The following BMPR1B variants were observed in gnomAD, a reference collection of about 807,000 sequenced individuals.
The protein encoded by BMPR1B is bone morphogenetic protein receptor type 1B, also known as bone morphogenetic protein receptor type-1B.
In BMPR1B, 12 loss-of-function variants were observed where a neutral mutation model predicts 59.1. That is an observed-to-expected ratio of 0.20 (90% CI 0.13 to 0.33). The LOEUF is 0.33. Among genes scored for constraint, BMPR1B ranks in the 10% least tolerant of loss-of-function variants. The pLI is 1.00. For missense variants in BMPR1B, 550 were observed against 610.9 expected (o/e 0.90, Z 1.05); for synonymous variants, 237 against 207.3 (o/e 1.14, Z -1.23).
intron 1 of BMPR1B, among the ~76,000 whole-genome samples, chr4:94,792,128 G>A (rs1723008644): frequency 6.6e-6 from 1 of 152,042 alleles, no homozygotes; most frequent in South Asian, 2.1e-4. Context: ...TTACCTTTCT[G>A]ACGATGAAAA....
At chr4:94,937,719 G>GAC (rs70946570) in intron 2 of BMPR1B, among the ~76,000 whole-genome samples, 34,996 of 147,544 alleles carry the variant, frequency 0.24, 4,023 homozygotes, top group South Asian at 0.38. Flanking sequence ...CACACACACA[G>GAC]ACACACACAC....
At chr4:95,051,118 G>A (rs1287736700) in intron 3 of BMPR1B, among the ~76,000 whole-genome samples, 1 of 152,098 alleles carries the variant, frequency 6.6e-6, no homozygotes. Context: ...CTTGATTCAA[G>A]GGTATTCACT....
chr4:94,814,597 G>A (rs749084178), intron 1 of BMPR1B, among the ~76,000 whole-genome samples: 9 of 152,122 alleles, frequency 5.9e-5, no homozygotes, highest in Non-Finnish European at 1.0e-4. Context: ...GTATTATAAT[G>A]CAATACCCTT....
intron 11 of BMPR1B, 123 bp downstream of exon 11, chr4:95,149,046 T>G (rs1734847989): frequency 7.8e-7 from 1 of 1,280,704 alleles, no homozygotes; most frequent in African/African-American, 1.5e-5. Flanking sequence ...CCTTTATTTC[T>G]GTTGATGCAG....
At chr4:94,922,326 T>C (rs892315469) in intron 2 of BMPR1B, among the ~76,000 whole-genome samples, 8 of 151,962 alleles carry the variant, frequency 5.3e-5, no homozygotes, top group Non-Finnish European at 7.4e-5. Context: ...TTGTGGGACG[T>C]GTGCGTGTGT....
intron 3 of BMPR1B, chr4:95,091,462 T>G (rs1729982913): frequency 1.0e-6 from 1 of 985,228 alleles, no homozygotes; most frequent in African/African-American, 1.7e-5. Context: ...AACCACAGTC[T>G]GGGCTGCATT....
At chr4:95,018,437 CT>C (rs1280613168) in intron 3 of BMPR1B, among the ~76,000 whole-genome samples, 1 of 152,154 alleles carries the variant, frequency 6.6e-6, no homozygotes, top group East Asian at 1.9e-4. Flanking sequence ...TAATATTGCT[CT>C]AGCCCATAAA....
At chr4:95,057,863 A>G (rs1727048263) in intron 3 of BMPR1B, among the ~76,000 whole-genome samples, 1 of 152,192 alleles carries the variant, frequency 6.6e-6, no homozygotes, top group Non-Finnish European at 1.5e-5. Flanking sequence ...ACACTTTAAT[A>G]TTTCTCACTT....
chr4:95,106,298 G>A (rs1206858099), intron 4 of BMPR1B, among the ~76,000 whole-genome samples: 2 of 151,938 alleles, frequency 1.3e-5, no homozygotes, highest in East Asian at 1.9e-4. Flanking sequence ...TGGTAGGGTT[G>A]ACATGATCTG....
chr4:95,135,002 A>G (rs1350418351), intron 10 of BMPR1B, among the ~76,000 whole-genome samples: 1 of 152,174 alleles, frequency 6.6e-6, no homozygotes, highest in South Asian at 2.1e-4. Context: ...TAGGTCTCAC[A>G]TTTAAATCTT....
chr4:94,797,959 T>C (rs1192147600), intron 1 of BMPR1B, among the ~76,000 whole-genome samples: 1 of 152,210 alleles, frequency 6.6e-6, no homozygotes, highest in Non-Finnish European at 1.5e-5. Flanking sequence ...ACATGGATCC[T>C]GGGAAATAGC....
At chr4:94,788,558 C>T (rs544990513) in intron 1 of BMPR1B, among the ~76,000 whole-genome samples, 27 of 152,166 alleles carry the variant, frequency 1.8e-4, no homozygotes, top group Admixed American at 7.9e-4. Context: ...GGGAATCTGA[C>T]GTAGGAGGTG....
chr4:94,941,075 A>G (rs1400869987), intron 2 of BMPR1B, among the ~76,000 whole-genome samples: 1 of 152,208 alleles, frequency 6.6e-6, no homozygotes, highest in Non-Finnish European at 1.5e-5. Flanking sequence ...TTCTTTCTCC[A>G]TGTGCCTTCT....
chr4:95,089,763 C>A (rs1729844423), intron 3 of BMPR1B, among the ~76,000 whole-genome samples: 1 of 152,064 alleles, frequency 6.6e-6, no homozygotes, highest in Non-Finnish European at 1.5e-5. Context: ...TGTCCTTTGG[C>A]AGTCTTCTTC....
chr4:94,904,561 A>C (rs1304134216), intron 2 of BMPR1B, among the ~76,000 whole-genome samples: 1 of 152,038 alleles, frequency 6.6e-6, no homozygotes, highest in Non-Finnish European at 1.5e-5. Context: ...GTGATTTGTG[A>C]ATTACCTGTA....
intron 2 of BMPR1B, among the ~76,000 whole-genome samples, chr4:94,965,220 TA>T (rs1260115682): frequency 6.6e-6 from 1 of 152,144 alleles, no homozygotes; most frequent in Admixed American, 6.5e-5. Flanking sequence ...TTATTTACCT[TA>T]TGAAAGTTAT....
intron 1 of BMPR1B, among the ~76,000 whole-genome samples, chr4:94,809,574 G>A (rs1723737728): frequency 6.6e-6 from 1 of 152,092 alleles, no homozygotes; most frequent in African/African-American, 2.4e-5. Context: ...TTCTTCTTTA[G>A]TACTAAATAT....
At chr4:94,835,088 T>C (rs1241017808) in intron 1 of BMPR1B, among the ~76,000 whole-genome samples, 1 of 152,124 alleles carries the variant, frequency 6.6e-6, no homozygotes, top group African/African-American at 2.4e-5. Flanking sequence ...ATAGGAGTTA[T>C]CTTTGGTTGT....
intron 1 of BMPR1B, among the ~76,000 whole-genome samples, chr4:94,842,841 G>A (rs975813414): frequency 1.3e-4 from 20 of 150,862 alleles, no homozygotes; most frequent in African/African-American, 4.9e-4. Flanking sequence ...TAATAAAAAT[G>A]CCTCACAGTA....
Sources: gnomAD v4.1 joint callset for allele counts (sites outside exome capture counted in the v4.1 genomes callset) on GRCh38, gnomAD v4.1.1 for gene constraint, MANE v1.5 for transcripts, NCBI Gene and HGNC (gene_info 2026-07-23, HGNC 2026-07-21) for gene names.